DCC: variants seen among roughly 807,000 people sequenced by gnomAD.
The protein encoded by DCC is DCC netrin 1 receptor.
In DCC, 58 loss-of-function variants were observed where a neutral mutation model predicts 172.5. The ratio of observed to expected loss-of-function variants is 0.34; its 90% CI spans 0.27 to 0.42. The LOEUF is 0.42. Ranked by LOEUF, DCC falls within the 10% of genes least tolerant of loss-of-function variation. The pLI, the probability that DCC is intolerant of heterozygous loss-of-function variation, is 1.00. For synonymous variants in DCC, 709 were observed against 644.5 expected (o/e 1.10, Z -1.52); for missense variants, 1,740 against 1,791.0 (o/e 0.97, Z 0.51).
chr18:53,058,838 A>G (rs927066857), intron 5 of DCC, among the ~76,000 whole-genome samples: 8 of 152,160 alleles, frequency 5.3e-5, no homozygotes, highest in Admixed American at 2.6e-4. Flanking sequence ...GGGTTTCCAA[A>G]AGGAGAGAAA....
chr18:53,049,091 A>C (rs2144031733), intron 5 of DCC, among the ~76,000 whole-genome samples: 1 of 152,102 alleles, frequency 6.6e-6, no homozygotes, highest in Admixed American at 6.6e-5. Context: ...TGCCTTTGTC[A>C]GATATTATGC....
Position 53,180,801 on chromosome 18 carries a change from C to G in DCC, c.1573+1685C>G, listed in dbSNP as rs182740908. Among the ~76,000 whole-genome samples, 199 of 152,088 alleles carry G rather than the reference C, an allele frequency of 1.3e-3. 2 individuals carry two copies. The highest frequency in any genetic ancestry group is 0.012 in the South Asian group (59 of 4,814). On this transcript the variant is annotated intron_variant, in intron 9 of 28. Coordinates refer to ENST00000442544, the MANE Select transcript of DCC (RefSeq NM_005215.4). ...CTAATTTTTGTATTTTTAGTAGAGACGAGCTTTCACCATTTTGGCCAGGCT... is the reference window on the plus strand; with the variant it reads ...CTAATTTTTGTATTTTTAGTAGAGAGGAGCTTTCACCATTTTGGCCAGGCT...
intron 5 of DCC, among the ~76,000 whole-genome samples, chr18:52,987,571 TTATC>T (rs2041315483): frequency 6.6e-6 from 1 of 152,178 alleles, no homozygotes; most frequent in Non-Finnish European, 1.5e-5. Context: ...TCTATATAGG[TTATC>T]TCATTATATC....
intron 1 of DCC, among the ~76,000 whole-genome samples, chr18:52,392,426 G>C (rs962777795): frequency 7.9e-5 from 12 of 152,138 alleles, no homozygotes; most frequent in African/African-American, 2.4e-4. Flanking sequence ...CACATAAGCT[G>C]TGACTGAAAC....
At chr18:53,205,190 T>G in intron 9 of DCC, 26 bp from the exon 10 acceptor site, 1 of 1,602,178 alleles carries the variant, frequency 6.2e-7, no homozygotes, top group Non-Finnish European at 8.6e-7. Flanking sequence ...CACTTTTCTT[T>G]CTTTCTTTAT....
intron 19 of DCC, among the ~76,000 whole-genome samples, chr18:53,404,767 A>G (rs1232157097): frequency 6.6e-6 from 1 of 150,966 alleles, no homozygotes; most frequent in East Asian, 2.0e-4. Flanking sequence ...TAAAAAAAAA[A>G]GAAATGCAAA....
Position 52,376,529 on chromosome 18 carries a change from G to A in DCC, c.91+35651G>A, listed in dbSNP as rs114372111. Among the ~76,000 whole-genome samples, 1,202 of 151,912 alleles carry A rather than the reference G, an allele frequency of 7.9e-3. 19 individuals are homozygous for A. Among genetic ancestry groups the A allele is most frequent in the African/African-American group, 0.028 (1,147 of 41,380 alleles). ...TGTGTATATGTGTGTACATGCACAT[G>A]CACAAGTTTTCACTTGCAACCTTCT... On this transcript the variant is annotated intron_variant, in intron 1 of 28. Coordinates refer to ENST00000442544, the MANE Select transcript of DCC (RefSeq NM_005215.4).
At chr18:52,573,619 T>A (rs890521393) in intron 1 of DCC, among the ~76,000 whole-genome samples, 5 of 152,210 alleles carry the variant, frequency 3.3e-5, no homozygotes, top group Admixed American at 6.5e-5. Context: ...AAGGGCTGAA[T>A]TAACCTCTGG....
chr18:52,828,383 C>G (rs2038551095), intron 2 of DCC, among the ~76,000 whole-genome samples: 1 of 151,888 alleles, frequency 6.6e-6, no homozygotes. Flanking sequence ...TAACTGCATG[C>G]CACCAAAAGA....
chr18:52,779,962 T>C (rs1288889852), intron 2 of DCC, among the ~76,000 whole-genome samples: 2 of 152,222 alleles, frequency 1.3e-5, no homozygotes, highest in Admixed American at 6.5e-5. Context: ...AAGATTTTGA[T>C]TGAAATGCAT....
At chr18:52,866,405 GT>G (rs1471202122) in intron 2 of DCC, among the ~76,000 whole-genome samples, 6 of 152,106 alleles carry the variant, frequency 3.9e-5, no homozygotes, top group Non-Finnish European at 8.8e-5. Context: ...GAAATATAAA[GT>G]TTTTTTCTAA....
intron 1 of DCC, among the ~76,000 whole-genome samples, chr18:52,606,658 G>A (rs188319257): frequency 6.6e-6 from 1 of 152,206 alleles, no homozygotes; most frequent in East Asian, 1.9e-4. Context: ...ATGGAGGGGT[G>A]GAAAGAGAAT....
At chr18:53,039,313 T>G (rs1343358439) in intron 5 of DCC, among the ~76,000 whole-genome samples, 1 of 152,054 alleles carries the variant, frequency 6.6e-6, no homozygotes, top group Non-Finnish European at 1.5e-5. Context: ...AGTTGTTAAT[T>G]TTCCATGCAA....
intron 12 of DCC, among the ~76,000 whole-genome samples, chr18:53,249,097 A>C (rs2056398666): frequency 1.3e-5 from 2 of 152,006 alleles, no homozygotes; most frequent in African/African-American, 2.4e-5. Context: ...TGCTGAGTTT[A>C]ACTTGCTTTA....
chr18:52,479,580 A>AC lies in DCC; in HGVS notation c.91+138712dup, dbSNP rs11294586. Among the ~76,000 whole-genome samples the AC allele has an allele frequency of 9.9e-3, 1,155 of 116,736 alleles. 30 individuals carry two copies. The highest frequency in any genetic ancestry group is 0.034 in the African/African-American group (1,001 of 29,276). 76.6% of individuals were successfully genotyped at this position (116,736 alleles called of 152,430 possible). A position where few individuals can be genotyped will look rare whatever the true frequency, so the allele number is the denominator to read the frequency against. Reference sequence around the variant, plus strand: ...TCTCTCTCACTCCCTACCTCCCTCCACCCCCCCCCCGTCTCCCTTCCTCTC... The same window carrying AC: ...TCTCTCTCACTCCCTACCTCCCTCCACCCCCCCCCCCGTCTCCCTTCCTCTC... On this transcript the variant is annotated intron_variant, in intron 1 of 28. Coordinates refer to ENST00000442544, the MANE Select transcript of DCC (RefSeq NM_005215.4).
At chr18:53,147,006 G>C (rs867430528) in intron 7 of DCC, among the ~76,000 whole-genome samples, 8 of 151,994 alleles carry the variant, frequency 5.3e-5, no homozygotes, top group African/African-American at 1.7e-4. Flanking sequence ...TCTATTTAGA[G>C]TGACCAGGGG....
At chr18:53,424,248 A>T (rs929727337) in intron 21 of DCC, among the ~76,000 whole-genome samples, 2 of 152,214 alleles carry the variant, frequency 1.3e-5, no homozygotes, top group Non-Finnish European at 2.9e-5. Flanking sequence ...GGAGAAAATC[A>T]AAACTAATGG....
chr18:52,808,220 C>A (rs183377490), intron 2 of DCC, among the ~76,000 whole-genome samples: 1 of 152,152 alleles, frequency 6.6e-6, no homozygotes, highest in South Asian at 2.1e-4. Flanking sequence ...ATTGCTATGT[C>A]TAAAAGGTCT....
intron 12 of DCC, among the ~76,000 whole-genome samples, chr18:53,259,583 GT>G (rs1474837126): frequency 1.3e-5 from 2 of 152,288 alleles, no homozygotes; most frequent in South Asian, 4.2e-4. Context: ...GAGATCTGCT[GT>G]TAGTCTAATG....
Sources: gnomAD v4.1 joint callset for allele counts (sites outside exome capture counted in the v4.1 genomes callset) on GRCh38, gnomAD v4.1.1 for gene constraint, MANE v1.5 for transcripts, NCBI Gene and HGNC (gene_info 2026-07-23, HGNC 2026-07-21) for gene names.